The following KLF8 variants were observed in gnomAD, a reference collection of about 807,000 sequenced individuals.
KLF8 encodes KLF transcription factor 8, also known as Krueppel-like factor 8.
KLF8 carries 10 observed loss-of-function variants against 18.2 expected under a neutral mutation model. The observed-to-expected ratio is 0.55, with a 90% CI of 0.34 to 0.93. KLF8 has a LOEUF of 0.93. Among genes scored for constraint, KLF8 ranks in the 40% least tolerant of loss-of-function variants. KLF8 has a pLI of 0.02. For missense variants in KLF8, 264 were observed against 277.9 expected, an observed-to-expected ratio of 0.95 and a Z score of 0.36; for synonymous variants, 109 against 97.3, an observed-to-expected ratio of 1.12 and a Z score of -0.71.
the KLF8 span, among the ~76,000 whole-genome samples, chrX:55,979,727 C>CA: frequency 9.0e-6 from 1 of 111,410 alleles, no homozygotes; most frequent in East Asian, 2.8e-4. Flanking sequence ...GCTTCCAAAA[C>CA]AAAAAAGCAA....
the KLF8 span, among the ~76,000 whole-genome samples, chrX:56,185,143 G>T: frequency 8.9e-6 from 1 of 112,208 alleles, no homozygotes; most frequent in African/African-American, 3.2e-5. Flanking sequence ...TTAGACGAAT[G>T]TATAACTAGA....
the KLF8 span, among the ~76,000 whole-genome samples, chrX:56,006,111 C>A: frequency 8.9e-6 from 1 of 112,081 alleles, no homozygotes; most frequent in African/African-American, 3.2e-5. Flanking sequence ...ATATAGCAAC[C>A]TTTGGGACTT....
chrX:56,139,029 A>G, the KLF8 span, among the ~76,000 whole-genome samples: 1,416 of 111,254 alleles, frequency 0.013, 20 homozygotes, highest in African/African-American at 0.044. Context: ...ACCCAAGCTG[A>G]GAGCCAAATA....
chrX:56,266,570 T>C, intron 3 of KLF8: 1 of 747,502 alleles, frequency 1.3e-6, no homozygotes, highest in Non-Finnish European at 1.6e-6. Context: ...CATTTTATTT[T>C]ATTTTTAAAA....
At chrX:56,045,746 C>T in the KLF8 span, among the ~76,000 whole-genome samples, 1 of 111,463 alleles carries the variant, frequency 9.0e-6, no homozygotes, top group African/African-American at 3.3e-5. Flanking sequence ...GATTTGTGTA[C>T]ATTAAATTTG....
chrX:55,971,720 C>A, the KLF8 span, among the ~76,000 whole-genome samples: 1 of 110,666 alleles, frequency 9.0e-6, no homozygotes, highest in East Asian at 2.8e-4. Context: ...GAAAAAAAAT[C>A]TAATAATCTG....
chrX:56,238,518 A>C (rs762166653), intron 1 of KLF8, among the ~76,000 whole-genome samples: 1 of 111,808 alleles, frequency 8.9e-6, no homozygotes, highest in Non-Finnish European at 1.9e-5. Context: ...CTTTTGACTA[A>C]TCAGAAGATA....
the KLF8 span, among the ~76,000 whole-genome samples, chrX:56,044,280 G>C: frequency 3.6e-5 from 4 of 111,975 alleles, no homozygotes; most frequent in African/African-American, 1.3e-4. Flanking sequence ...CAGTAAGGAG[G>C]AATGAGTTCA....
At chrX:56,269,081 G>A in intron 3 of KLF8, 2 of 901,721 alleles carry the variant, frequency 2.2e-6, no homozygotes, top group Non-Finnish European at 2.7e-6. Flanking sequence ...ATAGAAAGAT[G>A]AATCATACCC....
chrX:56,121,814 T>C, the KLF8 span, among the ~76,000 whole-genome samples: 15 of 112,063 alleles, frequency 1.3e-4, 1 homozygote, highest in Non-Finnish European at 1.1e-4. Flanking sequence ...AATAGAAAGG[T>C]CCTTATTTGA....
the KLF8 span, among the ~76,000 whole-genome samples, chrX:56,050,772 T>G: frequency 2.7e-5 from 3 of 111,715 alleles, no homozygotes; most frequent in African/African-American, 9.8e-5. Context: ...TTTCTGTAGA[T>G]GTCTATTAGG....
chrX:56,025,929 C>T, the KLF8 span, among the ~76,000 whole-genome samples: 1 of 112,546 alleles, frequency 8.9e-6, no homozygotes, highest in South Asian at 3.6e-4. Context: ...AGCAGTCCTC[C>T]GTGTGAAAAG....
At chrX:56,099,808 A>G in the KLF8 span, among the ~76,000 whole-genome samples, 1 of 112,040 alleles carries the variant, frequency 8.9e-6, no homozygotes, top group African/African-American at 3.2e-5. Flanking sequence ...CTGCAGAAGA[A>G]AAGTTGGAAA....
the KLF8 span, among the ~76,000 whole-genome samples, chrX:56,072,639 T>C: frequency 8.9e-6 from 1 of 112,517 alleles, no homozygotes; most frequent in Admixed American, 9.4e-5. Flanking sequence ...AAATTGACTT[T>C]ATTACCACAA....
rs1352597336 is a variant in KLF8, at chrX:56,287,824, T to A, written c.*3330T>A. On this transcript the variant is annotated 3_prime_UTR_variant, in exon 6 of 6. Coordinates refer to ENST00000468660, the MANE Select transcript of KLF8 (RefSeq NM_007250.5). ...CACCCAGTTTCTCCTGTTATTAGCA[T>A]CTCACATTAATATGTGGTATATTTG... The A allele has an allele frequency of 1.8e-5, 2 of 112,461 alleles. No homozygotes were observed. Among genetic ancestry groups the A allele is most frequent in the African/African-American group, 6.5e-5 (2 of 30,972 alleles). The allele number at this position is 112,461 out of a possible 1,213,427, so 9.3% of individuals were successfully genotyped here. A position where few individuals can be genotyped will look rare whatever the true frequency, so the allele number is the denominator to read the frequency against.
the KLF8 span, among the ~76,000 whole-genome samples, chrX:55,939,552 C>T: frequency 1.8e-5 from 2 of 111,421 alleles, no homozygotes; most frequent in South Asian, 3.8e-4. Context: ...GAAATAGAGA[C>T]ACAAAAAACC....
At chrX:56,266,531 CAA>C (rs749610255) in intron 3 of KLF8, 1 of 746,519 alleles carries the variant, frequency 1.3e-6, no homozygotes, top group South Asian at 6.9e-5. Context: ...AAAATTTGTC[CAA>C]GAGAGAATTC....
At chrX:56,196,516 G>T in the KLF8 span, among the ~76,000 whole-genome samples, 5 of 112,172 alleles carry the variant, frequency 4.5e-5, no homozygotes, top group Non-Finnish European at 3.8e-5. Context: ...TTACATAATG[G>T]TAAAGGAATC....
At chrX:56,186,154 A>G in the KLF8 span, among the ~76,000 whole-genome samples, 1 of 112,083 alleles carries the variant, frequency 8.9e-6, no homozygotes, top group Non-Finnish European at 1.9e-5. Context: ...AGACACACAT[A>G]GGCTCAAAAT....
Sources: gnomAD v4.1 joint callset for allele counts (sites outside exome capture counted in the v4.1 genomes callset) on GRCh38, gnomAD v4.1.1 for gene constraint, MANE v1.5 for transcripts, NCBI Gene and HGNC (gene_info 2026-07-23, HGNC 2026-07-21) for gene names.